The following EPHB1 variants were observed in gnomAD, a reference collection of about 807,000 sequenced individuals.
EPHB1 encodes the protein EPH receptor B1.
EPHB1 carries 30 observed loss-of-function variants against 94.4 expected under a neutral mutation model. The ratio of observed to expected loss-of-function variants is 0.32; its 90% CI spans 0.24 to 0.43. The LOEUF is 0.43. Among genes scored for constraint, EPHB1 ranks in the 20% least tolerant of loss-of-function variants. EPHB1 has a pLI of 1.00. For synonymous variants in EPHB1, 522 were observed against 489.1 expected (o/e 1.07, Z -0.89); for missense variants, 1,055 against 1,308.3 (o/e 0.81, Z 2.99).
Position 135,062,031 on chromosome 3 carries a change from T to A in EPHB1, c.806-44417T>A, listed in dbSNP as rs145942576. On this transcript the variant is annotated intron_variant, in intron 3 of 15. Coordinates refer to ENST00000398015, the MANE Select transcript of EPHB1 (RefSeq NM_004441.5). The stretch of plus-strand genomic sequence containing the variant: ...ATTTGGGTTGGTTCCAAGTCTTTGC[T>A]ATTGTGAATAGTGCTGCAATAAACA... 1.7e-3 allele frequency among the ~76,000 whole-genome samples: 262 copies of A among 152,332 alleles called. 3 individuals are homozygous for A. Among genetic ancestry groups the A allele is most frequent in the African/African-American group, 6.0e-3 (250 of 41,568 alleles).
chr3:135,001,120 G>A (rs942698333), intron 3 of EPHB1, among the ~76,000 whole-genome samples: 1 of 152,156 alleles, frequency 6.6e-6, no homozygotes, highest in Non-Finnish European at 1.5e-5. Flanking sequence ...CCTCCTTGGG[G>A]CAGGGTGTTC....
intron 1 of EPHB1, among the ~76,000 whole-genome samples, chr3:134,816,533 C>G (rs763499165): frequency 1.3e-5 from 2 of 152,150 alleles, no homozygotes; most frequent in Non-Finnish European, 2.9e-5. Flanking sequence ...GTGGTACTCA[C>G]CTCACATGAT....
chr3:134,925,696 A>G (rs1328918489), intron 1 of EPHB1, 120 bp from the exon 2 acceptor site: 2 of 786,346 alleles, frequency 2.5e-6, no homozygotes, highest in Non-Finnish European at 3.9e-6. Flanking sequence ...AAGATGCACA[A>G]ACCTCCTTGT....
chr3:135,251,080 C>A (rs1933067407), intron 15 of EPHB1, among the ~76,000 whole-genome samples: 1 of 151,788 alleles, frequency 6.6e-6, no homozygotes, highest in Non-Finnish European at 1.5e-5. Flanking sequence ...ATGATGGAGC[C>A]ACCACTTTCT....
chr3:135,129,087 T>A (rs1461768472), intron 4 of EPHB1, among the ~76,000 whole-genome samples: 1 of 152,044 alleles, frequency 6.6e-6, no homozygotes, highest in East Asian at 1.9e-4. Flanking sequence ...CCCCTGTTCA[T>A]GCGCCACAGA....
intron 12 of EPHB1, among the ~76,000 whole-genome samples, chr3:135,234,348 C>T (rs1466066634): frequency 1.3e-5 from 2 of 151,946 alleles, no homozygotes; most frequent in Admixed American, 6.6e-5. Flanking sequence ...TCTGAGACCA[C>T]CTTAGCCTGG....
intron 3 of EPHB1, among the ~76,000 whole-genome samples, chr3:135,081,797 T>C (rs1194041641): frequency 6.6e-6 from 1 of 152,022 alleles, no homozygotes; most frequent in African/African-American, 2.4e-5. Flanking sequence ...ACCCCTTCAA[T>C]ACCTAAATGG....
intron 3 of EPHB1, among the ~76,000 whole-genome samples, chr3:135,040,957 G>A (rs960828771): frequency 3.9e-5 from 6 of 152,110 alleles, no homozygotes; most frequent in African/African-American, 1.4e-4. Flanking sequence ...ATTAGTGAGC[G>A]TCCAGCTGCA....
At chr3:135,043,545 C>T (rs565769146) in intron 3 of EPHB1, among the ~76,000 whole-genome samples, 2 of 152,108 alleles carry the variant, frequency 1.3e-5, no homozygotes, top group Non-Finnish European at 2.9e-5. Flanking sequence ...CTTTCCATAC[C>T]ATCTTCTCTG....
intron 4 of EPHB1, among the ~76,000 whole-genome samples, chr3:135,107,792 A>G (rs140059351): frequency 6.6e-6 from 1 of 152,300 alleles, no homozygotes; most frequent in East Asian, 1.9e-4. Context: ...ATCAATGTGT[A>G]TAGATTTGAA....
chr3:134,924,537 T>A (rs1029885861), intron 1 of EPHB1, among the ~76,000 whole-genome samples: 2 of 152,210 alleles, frequency 1.3e-5, no homozygotes, highest in Admixed American at 1.3e-4. Flanking sequence ...CATAATGATA[T>A]ATCACTACAC....
At chr3:134,999,496 GA>G (rs1300950051) in intron 3 of EPHB1, among the ~76,000 whole-genome samples, 1 of 152,200 alleles carries the variant, frequency 6.6e-6, no homozygotes, top group African/African-American at 2.4e-5. Flanking sequence ...CCCAAGCAAG[GA>G]AAGTGCAGGT....
intron 3 of EPHB1, among the ~76,000 whole-genome samples, chr3:135,013,175 G>A (rs1258335060): frequency 6.6e-6 from 1 of 152,180 alleles, no homozygotes; most frequent in East Asian, 1.9e-4. Flanking sequence ...CAGGAATGCA[G>A]TCACTTGCCT....
chr3:135,159,203 A>T (rs1287828656), intron 6 of EPHB1, among the ~76,000 whole-genome samples: 1 of 152,208 alleles, frequency 6.6e-6, no homozygotes, highest in Non-Finnish European at 1.5e-5. Context: ...AATAAAAAAA[A>T]GCAACTTTGT....
intron 6 of EPHB1, 101 bp downstream of exon 6, chr3:135,154,377 G>C: frequency 6.6e-7 from 1 of 1,525,700 alleles, no homozygotes; most frequent in Non-Finnish European, 8.9e-7. Flanking sequence ...TGCTGAGGTG[G>C]GGAGGATTCT....
intron 1 of EPHB1, among the ~76,000 whole-genome samples, chr3:134,897,394 A>T (rs2038108099): frequency 6.6e-6 from 1 of 152,152 alleles, no homozygotes. Flanking sequence ...CCAGTGAAGG[A>T]GCGGCCCTGC....
At chr3:135,022,040 C>T (rs1936002394) in intron 3 of EPHB1, among the ~76,000 whole-genome samples, 1 of 152,138 alleles carries the variant, frequency 6.6e-6, no homozygotes, top group Non-Finnish European at 1.5e-5. Flanking sequence ...AGTGCAGTGG[C>T]ACGATCTCGG....
chr3:134,837,381 A>G (rs2036691521), intron 1 of EPHB1, among the ~76,000 whole-genome samples: 1 of 152,236 alleles, frequency 6.6e-6, no homozygotes, highest in African/African-American at 2.4e-5. Context: ...CTTAAAATCC[A>G]GTTTATTGTC....
chr3:134,808,566 G>A (rs1368719933), intron 1 of EPHB1, among the ~76,000 whole-genome samples: 2 of 152,114 alleles, frequency 1.3e-5, no homozygotes, highest in East Asian at 1.9e-4. Context: ...TTATGCAACC[G>A]AGTAAGAGAG....
Sources: allele counts gnomAD v4.1 joint callset (sites outside exome capture counted in the v4.1 genomes callset), GRCh38; gene constraint gnomAD v4.1.1; transcripts MANE v1.5; gene names NCBI Gene and HGNC (gene_info 2026-07-23, HGNC 2026-07-21).